Variants in CD38 observed in about 807,000 individuals in gnomAD.
The protein encoded by CD38 is ADP-ribosyl cyclase/cyclic ADP-ribose hydrolase 1.
Under a neutral mutation model 36.3 loss-of-function variants are expected in CD38, and 31 were observed. The ratio of observed to expected loss-of-function variants is 0.85; its 90% CI spans 0.64 to 1.15. The LOEUF (loss-of-function observed/expected upper bound fraction) is 1.15, where lower values mean the gene tolerates loss of function less well. Ranked by LOEUF, CD38 falls within the 50% of genes most tolerant of loss-of-function variation. The pLI, the probability that CD38 is intolerant of heterozygous loss-of-function variation, is 0.00. For missense variants in CD38, 380 were observed against 371.9 expected (o/e 1.02, Z -0.18); for synonymous variants, 131 against 135.2 (o/e 0.97, Z 0.22).
chr4:15,784,733 C>T (rs931628346), intron 1 of CD38, among the ~76,000 whole-genome samples: 18 of 152,124 alleles, frequency 1.2e-4, no homozygotes, highest in Admixed American at 9.2e-4. Flanking sequence ...AGGCTTCCTT[C>T]AGTCCTACCT....
At chr4:15,812,699 C>CA (rs924174662) in intron 1 of CD38, among the ~76,000 whole-genome samples, 3 of 151,848 alleles carry the variant, frequency 2.0e-5, no homozygotes, top group African/African-American at 4.8e-5. Flanking sequence ...GATTCTGTCT[C>CA]AAAAAAACAA....
intron 1 of CD38, among the ~76,000 whole-genome samples, chr4:15,815,005 C>T (rs1047491331): frequency 3.9e-5 from 6 of 152,132 alleles, no homozygotes; most frequent in African/African-American, 1.4e-4. Flanking sequence ...TGGGGTTTCA[C>T]CATGTTGGTC....
intron 1 of CD38, among the ~76,000 whole-genome samples, chr4:15,793,817 C>A (rs1723056266): frequency 6.6e-6 from 1 of 152,110 alleles, no homozygotes; most frequent in Non-Finnish European, 1.5e-5. Flanking sequence ...TGTGATTTGC[C>A]ATGGGCTAAT....
intron 1 of CD38, among the ~76,000 whole-genome samples, chr4:15,787,714 C>T (rs563385430): frequency 6.6e-5 from 10 of 152,262 alleles, no homozygotes; most frequent in South Asian, 2.1e-4. Context: ...CCTGGCTGAG[C>T]GACAGATGAA....
At chr4:15,823,832 A>G (rs1321139239) in intron 2 of CD38, among the ~76,000 whole-genome samples, 1 of 152,158 alleles carries the variant, frequency 6.6e-6, no homozygotes, top group Non-Finnish European at 1.5e-5. Context: ...AAATCATTCT[A>G]TTATAAAGAT....
chr4:15,848,091 C>G (rs978450285), intron 7 of CD38, among the ~76,000 whole-genome samples: 6 of 152,208 alleles, frequency 3.9e-5, no homozygotes, highest in African/African-American at 1.2e-4. Flanking sequence ...CACCATCCCC[C>G]TATTCATGTG....
chr4:15,786,198 G>A (rs182534517), intron 1 of CD38, among the ~76,000 whole-genome samples: 11 of 151,846 alleles, frequency 7.2e-5, no homozygotes, highest in East Asian at 3.9e-4. Flanking sequence ...AGTGTAGAAC[G>A]GGACGCCAAT....
intron 1 of CD38, among the ~76,000 whole-genome samples, chr4:15,787,998 C>T (rs1722879526): frequency 6.6e-6 from 1 of 152,356 alleles, no homozygotes; most frequent in African/African-American, 2.4e-5. Flanking sequence ...TCGCCCTCTG[C>T]GTCAGGGTAA....
chr4:15,785,550 T>TTTTTA (rs1560305389), intron 1 of CD38, among the ~76,000 whole-genome samples: 7 of 152,070 alleles, frequency 4.6e-5, no homozygotes, highest in African/African-American at 1.4e-4. Context: ...TTTTTTTTTT[T>TTTTTA]ATCACAATAA....
intron 7 of CD38, among the ~76,000 whole-genome samples, chr4:15,841,828 A>C (rs1371691381): frequency 7.5e-6 from 1 of 133,624 alleles, no homozygotes; most frequent in Non-Finnish European, 1.5e-5. Flanking sequence ...GGTCACTCCC[A>C]CCCGAATATT....
chr4:15,787,055 C>G, intron 1 of CD38, among the ~76,000 whole-genome samples: 1 of 152,232 alleles, frequency 6.6e-6, no homozygotes, highest in Middle Eastern at 3.2e-3. Context: ...CCACGCCCAC[C>G]TGGAACTCGC....
intron 1 of CD38, among the ~76,000 whole-genome samples, chr4:15,796,347 T>A (rs1359064016): frequency 6.6e-6 from 1 of 152,164 alleles, no homozygotes; most frequent in Non-Finnish European, 1.5e-5. Flanking sequence ...CAGGTCTGGC[T>A]TTCTTCATTT....
chr4:15,803,901 T>C lies in CD38; in HGVS notation c.234-12610T>C, dbSNP rs76383684. Reference sequence around the variant, plus strand: ...TCCCACTTATAAGTGAGAAATGTAGTATTTGGTTTTCTGTTTCTGCGTTAA... The same window carrying C: ...TCCCACTTATAAGTGAGAAATGTAGCATTTGGTTTTCTGTTTCTGCGTTAA... On this transcript the variant is annotated intron_variant, in intron 1 of 7. Transcript: ENST00000226279. Among the ~76,000 whole-genome samples, 684 of 152,258 alleles carry C rather than the reference T, an allele frequency of 4.5e-3. 7 individuals carry two copies. The highest frequency in any genetic ancestry group is 0.016 in the African/African-American group (655 of 41,540).
At chr4:15,799,289 A>G (rs959260264) in intron 1 of CD38, among the ~76,000 whole-genome samples, 2 of 151,968 alleles carry the variant, frequency 1.3e-5, no homozygotes, top group African/African-American at 4.8e-5. Context: ...GGGTTTTCTG[A>G]TGCCACTTCT....
At chr4:15,785,705 A>G (rs1288032452) in intron 1 of CD38, among the ~76,000 whole-genome samples, 1 of 152,216 alleles carries the variant, frequency 6.6e-6, no homozygotes, top group Non-Finnish European at 1.5e-5. Flanking sequence ...TGGAAACTAC[A>G]TAGTTGGTTC....
chr4:15,812,919 T>C (rs1304943989), intron 1 of CD38, among the ~76,000 whole-genome samples: 1 of 152,186 alleles, frequency 6.6e-6, no homozygotes, highest in East Asian at 1.9e-4. Flanking sequence ...TCATTGATAG[T>C]ATATTTTTCA....
At chr4:15,780,976 C>T (rs529634583) in intron 1 of CD38, among the ~76,000 whole-genome samples, 6 of 152,146 alleles carry the variant, frequency 3.9e-5, no homozygotes, top group Admixed American at 2.6e-4. Context: ...GGTGTTGTGG[C>T]GCGTGCCTGT....
intron 4 of CD38, 126 bp downstream of exon 4, chr4:15,834,428 T>G (rs1724022864): frequency 1.5e-6 from 1 of 651,432 alleles, no homozygotes. Flanking sequence ...ATAGGATTCA[T>G]TCCTGAGAAA....
chr4:15,839,926 A>G, intron 5 of CD38, 100 bp from the exon 6 acceptor site: 1 of 779,190 alleles, frequency 1.3e-6, no homozygotes, highest in Non-Finnish European at 2.3e-6. Context: ...TCTAAAGGAT[A>G]GGTCCTAGCC....
Sources: allele counts gnomAD v4.1 joint callset (sites outside exome capture counted in the v4.1 genomes callset), GRCh38; gene constraint gnomAD v4.1.1; transcripts MANE v1.5; gene names NCBI Gene and HGNC (gene_info 2026-07-23, HGNC 2026-07-21).